Variants in INPP4B observed in about 807,000 individuals in gnomAD.
The protein encoded by INPP4B is inositol polyphosphate-4-phosphatase type II B.
In INPP4B, 55 loss-of-function variants were observed where a neutral mutation model predicts 122.5. The observed-to-expected ratio is 0.45, with a 90% CI of 0.36 to 0.56. INPP4B has a LOEUF of 0.56. Ranked by LOEUF, INPP4B falls within the 20% of genes least tolerant of loss-of-function variation. INPP4B has a pLI of 0.00. For synonymous variants in INPP4B, 403 were observed against 388.7 expected (o/e 1.04, Z -0.43); for missense variants, 1,000 against 1,097.7 (o/e 0.91, Z 1.26).
At chr4:142,583,530 C>T (rs1352080111) in intron 2 of INPP4B, 2 of 152,174 alleles carry the variant, frequency 1.3e-5, no homozygotes, top group African/African-American at 4.8e-5. Context: ...TCCAGTCCCT[C>T]ACCTCAAGCA....
chr4:142,351,932 G>T (rs542223637), intron 7 of INPP4B, among the ~76,000 whole-genome samples: 1 of 152,052 alleles, frequency 6.6e-6, no homozygotes, highest in South Asian at 2.1e-4. Flanking sequence ...TTTAAAAGTG[G>T]AACTGAAAAA....
chr4:142,737,967 T>G (rs1334189006), intron 1 of INPP4B, among the ~76,000 whole-genome samples: 1 of 152,204 alleles, frequency 6.6e-6, no homozygotes, highest in Non-Finnish European at 1.5e-5. Flanking sequence ...CAACAGGTGC[T>G]GGAGAGGATA....
chr4:142,728,105 A>G (rs753609180), intron 1 of INPP4B, among the ~76,000 whole-genome samples: 1 of 152,212 alleles, frequency 6.6e-6, no homozygotes, highest in Non-Finnish European at 1.5e-5. Flanking sequence ...GCCCATTGGG[A>G]GTCTTCTCAA....
At chr4:142,782,715 G>T (rs1201882977) in intron 1 of INPP4B, among the ~76,000 whole-genome samples, 1 of 152,100 alleles carries the variant, frequency 6.6e-6, no homozygotes, top group East Asian at 1.9e-4. Flanking sequence ...GTTTTGATTT[G>T]CATTTCTCTG....
intron 1 of INPP4B, among the ~76,000 whole-genome samples, chr4:142,844,322 C>G (rs1783920890): frequency 1.3e-5 from 2 of 152,148 alleles, no homozygotes; most frequent in Non-Finnish European, 1.5e-5. Context: ...AGAGAATACT[C>G]TCCTAGAATA....
At chr4:142,332,486 A>C (rs1296303761) in intron 7 of INPP4B, among the ~76,000 whole-genome samples, 1 of 152,112 alleles carries the variant, frequency 6.6e-6, no homozygotes, top group Non-Finnish European at 1.5e-5. Context: ...AGAAATGAGT[A>C]CACTTATTAA....
chr4:142,458,204 T>A (rs1034503321), intron 3 of INPP4B, among the ~76,000 whole-genome samples: 1 of 152,186 alleles, frequency 6.6e-6, no homozygotes, highest in African/African-American at 2.4e-5. Flanking sequence ...GTGTACTGTA[T>A]AATTCTATTT....
intron 3 of INPP4B, among the ~76,000 whole-genome samples, chr4:142,435,874 C>T (rs1266041118): frequency 6.6e-6 from 1 of 151,994 alleles, no homozygotes; most frequent in African/African-American, 2.4e-5. Flanking sequence ...CTGGAATCTG[C>T]CTAAGTCAGC....
At position 142,537,413 on chromosome 4, in the gene INPP4B, T is replaced by C. The variant is rs1427091127; in HGVS notation, c.-190-74687A>G. 2.7e-3 allele frequency among the ~76,000 whole-genome samples: 119 copies of C among 44,608 alleles called. 1 individual carries two copies. The highest frequency in any genetic ancestry group is 8.2e-3 in the African/African-American group (111 of 13,504). 29.3% of individuals were successfully genotyped at this position (44,608 alleles called of 152,430 possible). ...ATTTTACATACAGTATATATATATA[T>C]ATATATATATATATATAGAGAGAGA... On this transcript the variant is annotated intron_variant, in intron 2 of 25. Coordinates refer to ENST00000262992, the MANE Select transcript of INPP4B (RefSeq NM_001101669.3).
At chr4:142,620,464 A>G (rs116754579) in intron 2 of INPP4B, among the ~76,000 whole-genome samples, 2,054 of 152,022 alleles carry the variant, frequency 0.014, 36 homozygotes, top group African/African-American at 0.039. Flanking sequence ...GAGTACACAC[A>G]CACACAAAGA....
At chr4:142,470,724 T>G (rs1038209850) in intron 2 of INPP4B, among the ~76,000 whole-genome samples, 9 of 152,232 alleles carry the variant, frequency 5.9e-5, no homozygotes, top group Non-Finnish European at 1.0e-4. Context: ...TGTTTCTTCA[T>G]CATTAAATAA....
At chr4:142,078,516 G>A (rs1490997155) in intron 25 of INPP4B, among the ~76,000 whole-genome samples, 2 of 151,946 alleles carry the variant, frequency 1.3e-5, no homozygotes, top group East Asian at 3.8e-4. Flanking sequence ...ACTGGGTACT[G>A]TTCTAGGTAC....
chr4:142,783,575 T>C (rs1037350334), intron 1 of INPP4B, among the ~76,000 whole-genome samples: 1 of 152,196 alleles, frequency 6.6e-6, no homozygotes, highest in African/African-American at 2.4e-5. Flanking sequence ...TTTTAGTTTC[T>C]AGTTTCACTT....
At chr4:142,274,207 C>T (rs1359415100) in intron 9 of INPP4B, among the ~76,000 whole-genome samples, 3 of 151,786 alleles carry the variant, frequency 2.0e-5, no homozygotes, top group Admixed American at 6.6e-5. Context: ...ATCACATCTG[C>T]GTAGAAAATA....
chr4:142,801,578 A>G (rs1778013297), intron 1 of INPP4B, among the ~76,000 whole-genome samples: 1 of 152,216 alleles, frequency 6.6e-6, no homozygotes, highest in African/African-American at 2.4e-5. Context: ...AACTGTAAGA[A>G]AATAAATTTT....
chr4:142,470,180 T>C (rs1186234205), intron 2 of INPP4B, among the ~76,000 whole-genome samples: 1 of 151,686 alleles, frequency 6.6e-6, no homozygotes, highest in Non-Finnish European at 1.5e-5. Flanking sequence ...CTTCCCTAGT[T>C]TAAAAAAAAA....
At chr4:142,398,251 G>A (rs1482035703) in intron 7 of INPP4B, among the ~76,000 whole-genome samples, 3 of 150,300 alleles carry the variant, frequency 2.0e-5, no homozygotes, top group Non-Finnish European at 4.4e-5. Context: ...GGTGGCGGGC[G>A]CCTGTAGTCC....
chr4:142,315,565 C>A (rs1767268017), intron 7 of INPP4B, among the ~76,000 whole-genome samples: 1 of 151,830 alleles, frequency 6.6e-6, no homozygotes, highest in South Asian at 2.1e-4. Context: ...CGCCTCCATG[C>A]CCCCAGATAT....
At chr4:142,240,362 C>T (rs1858759210) in intron 11 of INPP4B, among the ~76,000 whole-genome samples, 1 of 152,038 alleles carries the variant, frequency 6.6e-6, no homozygotes, top group Admixed American at 6.6e-5. Flanking sequence ...CATTCTAATA[C>T]TCTTCAATGC....
Sources: gnomAD v4.1 joint callset for allele counts (sites outside exome capture counted in the v4.1 genomes callset) on GRCh38, gnomAD v4.1.1 for gene constraint, MANE v1.5 for transcripts, NCBI Gene and HGNC (gene_info 2026-07-23, HGNC 2026-07-21) for gene names.